IL26: variants seen among roughly 807,000 people sequenced by gnomAD.
IL26 encodes the protein interleukin-26.
A neutral mutation model predicts 21.7 loss-of-function variants in IL26; 23 were observed. The ratio of observed to expected loss-of-function variants is 1.06; its 90% CI spans 0.76 to 1.50. IL26 has a LOEUF of 1.50. Ranked by LOEUF, IL26 falls within the 40% of genes most tolerant of loss-of-function variation. The probability of loss-of-function intolerance (pLI) is 0.00; values close to 1 mark genes in which losing one functional copy is unlikely to be tolerated. For synonymous variants in IL26, 63 were observed against 67.8 expected, an observed-to-expected ratio of 0.93 and a Z score of 0.34; for missense variants, 204 against 196.0, an observed-to-expected ratio of 1.04 and a Z score of -0.24.
At chr12:68,224,181 G>T (rs1592902663) in intron 3 of IL26, among the ~76,000 whole-genome samples, 1 of 152,226 alleles carries the variant, frequency 6.6e-6, no homozygotes, top group East Asian at 1.9e-4. Flanking sequence ...ACAACTGCAG[G>T]AGGCTGGAGA....
rs765274126 is a variant in IL26, at chr12:68,201,906, G to A, written c.455C>T (p.Ala152Val). 6.2e-7 allele frequency: 1 copy of A among 1,603,838 alleles called. No homozygotes were observed. Among genetic ancestry groups the A allele is most frequent in the South Asian group, 1.1e-5 (1 of 87,870 alleles). The change falls in exon 5 of 5, where the codon GCC (alanine) becomes GTC (valine). Residue 152 changes from alanine (A) to valine (V), a missense_variant. Physicochemically the swap from Ala to Val is moderately conservative, Grantham distance 64. Coordinates refer to ENST00000229134, the MANE Select transcript of IL26 (RefSeq NM_018402.2). ...YRIGNKGIYK[A>V]ISELDILLSW... The stretch of plus-strand genomic sequence containing the variant: ...AAGAAGAATATCCAGTTCACTGATG[G>A]CTTTGTAGATTCCTTTGTTTCCAAT...
intron 3 of IL26, among the ~76,000 whole-genome samples, chr12:68,205,137 T>A (rs754369067): frequency 8.5e-5 from 13 of 152,104 alleles, no homozygotes; most frequent in Non-Finnish European, 1.5e-4. Flanking sequence ...ATAGGAAACA[T>A]TCATTCTTTA....
chr12:68,203,795 C>G (rs1181048540), intron 3 of IL26, among the ~76,000 whole-genome samples: 5 of 152,104 alleles, frequency 3.3e-5, no homozygotes, highest in Non-Finnish European at 7.4e-5. Context: ...AGAGACTCTT[C>G]CTGTGAAAGG....
intron 3 of IL26, among the ~76,000 whole-genome samples, chr12:68,214,531 G>A (rs1340361845): frequency 1.3e-5 from 2 of 152,114 alleles, no homozygotes; most frequent in Admixed American, 6.6e-5. Flanking sequence ...TGCATGCATA[G>A]ATATTTATAA....
intron 3 of IL26, among the ~76,000 whole-genome samples, chr12:68,210,261 C>A (rs753366441): frequency 6.9e-6 from 1 of 145,866 alleles, no homozygotes; most frequent in Non-Finnish European, 1.5e-5. Flanking sequence ...ATCTGAAGTG[C>A]TTTTAAAGCC....
intron 3 of IL26, among the ~76,000 whole-genome samples, chr12:68,203,974 C>T (rs147516354): frequency 2.6e-5 from 4 of 152,104 alleles, no homozygotes; most frequent in Non-Finnish European, 5.9e-5. Context: ...TACATTTGCA[C>T]CAAACTATAC....
chr12:68,211,136 T>G (rs928148984), intron 3 of IL26, among the ~76,000 whole-genome samples: 1 of 152,176 alleles, frequency 6.6e-6, no homozygotes, highest in African/African-American at 2.4e-5. Context: ...TTCACTGTCT[T>G]CATGAGATCC....
intron 3 of IL26, among the ~76,000 whole-genome samples, chr12:68,210,931 C>T (rs1056144570): frequency 2.6e-5 from 4 of 152,180 alleles, no homozygotes; most frequent in Non-Finnish European, 5.9e-5. Context: ...AATAGAGCTG[C>T]ACCCCATAAT....
At chr12:68,212,134 T>C (rs1157866134) in intron 3 of IL26, among the ~76,000 whole-genome samples, 1 of 152,164 alleles carries the variant, frequency 6.6e-6, no homozygotes, top group Non-Finnish European at 1.5e-5. Context: ...TTGAAGAGAC[T>C]GTTCTTTCCC....
intron 3 of IL26, among the ~76,000 whole-genome samples, chr12:68,215,333 G>T (rs919628867): frequency 6.6e-6 from 1 of 152,112 alleles, no homozygotes; most frequent in Non-Finnish European, 1.5e-5. Context: ...GCAGATTGGG[G>T]GAGGGGCATT....
chr12:68,219,775 A>G (rs549639690), intron 3 of IL26, among the ~76,000 whole-genome samples: 1 of 152,130 alleles, frequency 6.6e-6, no homozygotes, highest in East Asian at 1.9e-4. Flanking sequence ...CAATGAAACT[A>G]AAAACTGGTT....
At chr12:68,211,469 T>G (rs1371603295) in intron 3 of IL26, among the ~76,000 whole-genome samples, 1 of 152,206 alleles carries the variant, frequency 6.6e-6, no homozygotes, top group Non-Finnish European at 1.5e-5. Context: ...TTCAGTTTTT[T>G]GAGGAGCTTC....
chr12:68,202,673 G>A (rs1405276136), intron 3 of IL26, among the ~76,000 whole-genome samples: 1 of 152,140 alleles, frequency 6.6e-6, no homozygotes, highest in Non-Finnish European at 1.5e-5. Context: ...CCTCCCCCAT[G>A]ATCCAATCAC....
intron 3 of IL26, among the ~76,000 whole-genome samples, chr12:68,211,449 T>C (rs1193190219): frequency 1.3e-5 from 2 of 152,184 alleles, no homozygotes; most frequent in African/African-American, 4.8e-5. Context: ...AATCACATGG[T>C]AGTTATACTT....
intron 3 of IL26, among the ~76,000 whole-genome samples, chr12:68,220,245 T>C (rs1039928563): frequency 1.3e-5 from 2 of 152,108 alleles, no homozygotes; most frequent in East Asian, 3.9e-4. Context: ...GACACAGATA[T>C]TACAAGAAAA....
At position 68,225,713 on chromosome 12, in the gene IL26, G is replaced by A; in HGVS notation, c.44C>T (p.Thr15Ile). 2 of 1,613,934 alleles carry A rather than the reference G, an allele frequency of 1.2e-6. No homozygotes were observed. The highest frequency in any genetic ancestry group is 2.7e-5 in the African/African-American group (2 of 75,014). ...GTGCTTGGCAATGGCAAGAGACAGA[G>A]TGACTAACAGCAACCCACACCTCAA... The part of the protein sequence containing the change: ...FILRCGLLLV[T>I]LSLAIAKHKQ... The change falls in exon 1 of 5, where the codon ACT (threonine) becomes ATT (isoleucine). Residue 15 changes from threonine (T) to isoleucine (I), a missense_variant. Transcript: ENST00000229134.
intron 3 of IL26, among the ~76,000 whole-genome samples, chr12:68,223,884 G>GTTTTTTTTTTTTTTTTTTTTTT (rs376115904): frequency 1.5e-5 from 2 of 132,272 alleles, no homozygotes; most frequent in Non-Finnish European, 1.6e-5. Context: ...AAATTTGGTG[G>GTTTTTTTTTTTTTTTTTTTTTT]TTTTTTTTTT....
At chr12:68,216,503 A>G (rs1473486872) in intron 3 of IL26, among the ~76,000 whole-genome samples, 1 of 152,234 alleles carries the variant, frequency 6.6e-6, no homozygotes, top group Non-Finnish European at 1.5e-5. Context: ...CTAGGTACTT[A>G]ATTCTCCCAA....
chr12:68,206,540 T>A (rs1405580861), intron 3 of IL26, among the ~76,000 whole-genome samples: 1 of 152,174 alleles, frequency 6.6e-6, no homozygotes, highest in African/African-American at 2.4e-5. Flanking sequence ...ATGTTCTCAT[T>A]TTCTGGGCCT....
Sources: allele counts gnomAD v4.1 joint callset (sites outside exome capture counted in the v4.1 genomes callset), GRCh38; gene constraint gnomAD v4.1.1; transcripts MANE v1.5; gene names NCBI Gene and HGNC (gene_info 2026-07-23, HGNC 2026-07-21).